OSCP1: variants seen among roughly 807,000 people sequenced by gnomAD.
The protein encoded by OSCP1 is organic solute carrier partner 1, also known as protein OSCP1.
Under a neutral mutation model 45.1 loss-of-function variants are expected in OSCP1, and 35 were observed. That is an observed-to-expected ratio of 0.78 (90% CI 0.59 to 1.03). The LOEUF is 1.03. Ranked by LOEUF, OSCP1 falls within the 50% of genes least tolerant of loss-of-function variation. The probability of loss-of-function intolerance (pLI) is 0.00; values close to 1 mark genes in which losing one functional copy is unlikely to be tolerated. For synonymous variants in OSCP1, 179 were observed against 180.1 expected, an observed-to-expected ratio of 0.99 and a Z score of 0.05; for missense variants, 400 against 470.7, an observed-to-expected ratio of 0.85 and a Z score of 1.39.
rs575967932 is a variant in OSCP1, at chr1:36,441,750, CA to C, written c.113-2841del. 2.0e-3 allele frequency among the ~76,000 whole-genome samples: 118 copies of C among 58,270 alleles called. No homozygotes were observed. The Middle Eastern group carries it at 0.065, about 32-fold the overall frequency. The allele number at this position is 58,270 out of a possible 152,430, so 38.2% of individuals were successfully genotyped here. ...TGGGTAACAGAGCGAGACTCCAGCT[CA>C]AAAAAAAAAAAAAAAAAAAAAGTAA... On this transcript the variant is annotated intron_variant, in intron 1 of 9. Coordinates refer to ENST00000235532, the MANE Select transcript of OSCP1 (RefSeq NM_145047.5).
At chr1:36,439,397 T>C (rs1648975931) in intron 1 of OSCP1, among the ~76,000 whole-genome samples, 1 of 151,904 alleles carries the variant, frequency 6.6e-6, no homozygotes, top group African/African-American at 2.4e-5. Flanking sequence ...GTGGCGGGCC[T>C]GGAAGCTGAG....
chr1:36,422,760 T>C lies in OSCP1; in HGVS notation c.749+8A>G. ...GACTTGAATTCACTCAGAGAAGAATTTGCTTACATGTTAGTTCCCAGTTTC... is the reference window on the plus strand; with the variant it reads ...GACTTGAATTCACTCAGAGAAGAATCTGCTTACATGTTAGTTCCCAGTTTC... On this transcript the variant is annotated splice_region_variant and intron_variant, in intron 6 of 9. Transcript: ENST00000235532. 1 of 1,571,538 alleles carries C rather than the reference T, an allele frequency of 6.4e-7. No individual in the cohort carries two copies.
At chr1:36,426,126 G>C (rs1647949182) in intron 4 of OSCP1, among the ~76,000 whole-genome samples, 1 of 152,234 alleles carries the variant, frequency 6.6e-6, no homozygotes, top group Admixed American at 6.5e-5. Flanking sequence ...ACCAAGGGAT[G>C]TGAGTACAAG....
rs138864592 is a variant in OSCP1, at chr1:36,432,446, G to A, written c.411C>T (p.Asp137=). Residue 137 remains aspartate, a synonymous_variant, in exon 3 of 10, where the codon GAC becomes GAT. Coordinates refer to ENST00000235532, the MANE Select transcript of OSCP1 (RefSeq NM_145047.5). ...CTTCTGTCAGCTGCCGCAAAGTCTC[G>A]TCCACTTGCTGCAGGATGGTTGGGG... ...RDSPTILQQV[D]ETLRQLTEIY... 135 of 1,613,882 alleles carry A rather than the reference G, an allele frequency of 8.4e-5. No homozygotes were observed. The highest frequency in any genetic ancestry group is 1.0e-4 in the Non-Finnish European group (123 of 1,179,992).
intron 4 of OSCP1, chr1:36,428,236 G>A: frequency 1.1e-6 from 1 of 870,098 alleles, no homozygotes; most frequent in Non-Finnish European, 1.6e-6. Flanking sequence ...CATCAGAATT[G>A]AAATCTATTT....
In OSCP1 at chr1:36,423,418, C is replaced by G; in HGVS notation, c.565G>C (p.Val189Leu). ...GGAACAGGCCCGGACACCGGCAACA[C>G]AAAGCGACCGTTATTATTCTGAACT... ...DKVQNNNGRFVLPVSGPVPWG... is the reference protein window; with the variant it reads ...DKVQNNNGRFLLPVSGPVPWG... Residue 189 changes from valine to leucine, a missense_variant, in exon 5 of 10, where the codon GTG becomes CTG. By Grantham distance (32) the Val-to-Leu change is conservative. Coordinates refer to ENST00000235532, the MANE Select transcript of OSCP1 (RefSeq NM_145047.5). The G allele has an allele frequency of 6.2e-7, 1 of 1,613,574 alleles. No individual in the cohort carries two copies. Among genetic ancestry groups the G allele is most frequent in the Non-Finnish European group, 8.5e-7 (1 of 1,179,688 alleles).
Position 36,420,736 on chromosome 1 carries a change from T to C in OSCP1, c.820-121A>G. On this transcript the variant is annotated intron_variant, in intron 7 of 9. Coordinates refer to ENST00000235532, the MANE Select transcript of OSCP1 (RefSeq NM_145047.5). The stretch of plus-strand genomic sequence containing the variant: ...GAACAATTGCTATTTAAATTATTTC[T>C]GGGTCCAAATAAAGTGTAGAAAGCA... The C allele has an allele frequency of 3.7e-6, 5 of 1,338,884 alleles. No individual in the cohort carries two copies. The South Asian group carries it at 5.9e-5, about 16-fold the overall frequency. The allele number at this position is 1,338,884 out of a possible 1,614,324, so 82.9% of individuals were successfully genotyped here.
rs752906681 is a variant in OSCP1, at chr1:36,431,892, G to C, written c.436-10C>G. On this transcript the variant is annotated splice_polypyrimidine_tract_variant and intron_variant, in intron 3 of 9. Transcript: ENST00000235532. ...AGAGACCACCATATATCTGCCAAAG[G>C]CAAGCAGAAAGCAGCACTTCACTTT... The C allele has an allele frequency of 6.2e-7, 1 of 1,611,850 alleles. No individual in the cohort carries two copies. The highest frequency in any genetic ancestry group is 8.5e-7 in the Non-Finnish European group (1 of 1,179,632).
chr1:36,419,079 G>C, intron 8 of OSCP1, 25 bp from the exon 9 acceptor site: 1 of 1,588,554 alleles, frequency 6.3e-7, no homozygotes, highest in Non-Finnish European at 8.6e-7. Flanking sequence ...AAAGAAAATG[G>C]GTGCAACATT....
At chr1:36,448,589 T>C (rs1032481961) in intron 1 of OSCP1, among the ~76,000 whole-genome samples, 1 of 152,170 alleles carries the variant, frequency 6.6e-6, no homozygotes, top group African/African-American at 2.4e-5. Context: ...TGGGGTGCTA[T>C]GGGAGCACAG....
Position 36,432,537 on chromosome 1 carries a change from C to G in OSCP1, c.320G>C (p.Arg107Pro), listed in dbSNP as rs142000188. 1 of 1,614,046 alleles carries G rather than the reference C, an allele frequency of 6.2e-7. No homozygotes were observed. The highest frequency in any genetic ancestry group is 8.5e-7 in the Non-Finnish European group (1 of 1,180,022). The change falls in exon 3 of 10, where the codon CGA becomes CCA. Residue 107 changes from arginine to proline, a missense_variant. Arg to Pro is a moderately radical substitution (Grantham distance 103, BLOSUM62 -2). Coordinates refer to ENST00000235532, the MANE Select transcript of OSCP1 (RefSeq NM_145047.5). The stretch of plus-strand genomic sequence containing the variant: ...AGTGACCAGCAGCACATCCTTGGGT[C>G]GGGGACACAGCAATACTTGATATTT... Reference protein sequence around the residue: ...AFKYQVLLCPRPKDVLLVTFN... With the variant: ...AFKYQVLLCPPPKDVLLVTFN...
In OSCP1 at chr1:36,447,945, A is replaced by G. The variant is rs1037527652; in HGVS notation, c.112+2313T>C. On this transcript the variant is annotated intron_variant, in intron 1 of 9. Transcript: ENST00000235532. The surrounding 1 kb of genome is among the most constrained non-coding windows in gnomAD (Gnocchi z 4.1). ...ACTAAAGATGGCCGAAACTCCCAAA[A>G]CCATATTTAGCAAAAGCAGAAAAAA... 2 of 446,874 alleles carry G rather than the reference A, an allele frequency of 4.5e-6. No homozygotes were observed. Among genetic ancestry groups the G allele is most frequent in the Non-Finnish European group, 9.1e-6 (2 of 220,658 alleles). 27.7% of individuals were successfully genotyped at this position (446,874 alleles called of 1,614,324 possible).
intron 4 of OSCP1, among the ~76,000 whole-genome samples, chr1:36,429,044 A>C (rs1648167720): frequency 6.6e-6 from 1 of 152,160 alleles, no homozygotes; most frequent in South Asian, 2.1e-4. Flanking sequence ...CAAGTAGTTC[A>C]GACTACAGGC....
chr1:36,437,385 A>G (rs565248177), intron 2 of OSCP1, among the ~76,000 whole-genome samples: 26 of 152,308 alleles, frequency 1.7e-4, no homozygotes, highest in African/African-American at 6.0e-4. Flanking sequence ...AGATATGTTC[A>G]CATTATGAGT....
intron 1 of OSCP1, among the ~76,000 whole-genome samples, chr1:36,439,871 T>C (rs1402008569): frequency 6.6e-6 from 1 of 152,200 alleles, no homozygotes; most frequent in African/African-American, 2.4e-5. Flanking sequence ...CATCTAGATA[T>C]TTTGCACTAC....
rs374047923 is a variant in OSCP1, at chr1:36,418,280, G to C, written c.1024-25C>G. On this transcript the variant is annotated intron_variant, in intron 9 of 9. Transcript: ENST00000235532. ...CCTATGAGGGAAATGAGAGGTAAAA[G>C]GGCATGAAGAGGCTGTGCTGGCAGG... The C allele has an allele frequency of 5.9e-5, 95 of 1,611,498 alleles. 1 individual carries two copies. The East Asian group carries it at 7.1e-4, about 12-fold the overall frequency.
At chr1:36,444,456 GTTTTC>G (rs1199029634) in intron 1 of OSCP1, among the ~76,000 whole-genome samples, 4 of 152,146 alleles carry the variant, frequency 2.6e-5, no homozygotes, top group East Asian at 3.9e-4. Context: ...TACAATCTGA[GTTTTC>G]TTTTCTTTTC....
At chr1:36,435,269 C>T (rs1648647043) in intron 2 of OSCP1, among the ~76,000 whole-genome samples, 1 of 150,720 alleles carries the variant, frequency 6.6e-6, no homozygotes. Flanking sequence ...GCTAGTTCTT[C>T]TAATTTTTAG....
intron 4 of OSCP1, chr1:36,428,189 C>CA (rs71053930): frequency 0.071 from 59,642 of 835,484 alleles, 496 homozygotes; most frequent in African/African-American, 0.18. Context: ...GACTGCATCT[C>CA]AAAAAAAAAA....
Sources: gnomAD v4.1 joint callset for allele counts (sites outside exome capture counted in the v4.1 genomes callset) on GRCh38, gnomAD v4.1.1 for gene constraint, Gnocchi (gnomAD v3.1) non-coding constraint, MANE v1.5 for transcripts, NCBI Gene and HGNC (gene_info 2026-07-23, HGNC 2026-07-21) for gene names.